Variants in SHISA9 observed in about 807,000 individuals in gnomAD.
The protein encoded by SHISA9 is shisa family member 9.
SHISA9 carries 13 observed loss-of-function variants against 38.0 expected under a neutral mutation model. The ratio of observed to expected loss-of-function variants is 0.34; its 90% CI spans 0.22 to 0.54. SHISA9 has a LOEUF of 0.54. SHISA9 is among the 20% of genes least tolerant of loss of function. SHISA9 has a pLI of 0.91. For synonymous variants in SHISA9, 275 were observed against 242.0 expected, an observed-to-expected ratio of 1.14 and a Z score of -1.27; for missense variants, 538 against 575.8, an observed-to-expected ratio of 0.93 and a Z score of 0.67.
At chr16:13,266,743 G>GA in the SHISA9 span, among the ~76,000 whole-genome samples, 1 of 152,152 alleles carries the variant, frequency 6.6e-6, no homozygotes, top group Non-Finnish European at 1.5e-5. Context: ...GGAACAGAGA[G>GA]AAAAAAGGAC....
chr16:13,089,429 C>T (rs1020443608), intron 2 of SHISA9, among the ~76,000 whole-genome samples: 1 of 152,134 alleles, frequency 6.6e-6, no homozygotes, highest in Non-Finnish European at 1.5e-5. Context: ...TCCATCTGGT[C>T]CTGGACTTTT....
At chr16:13,088,301 G>C (rs2073736052) in intron 2 of SHISA9, among the ~76,000 whole-genome samples, 1 of 152,174 alleles carries the variant, frequency 6.6e-6, no homozygotes, top group Admixed American at 6.5e-5. Flanking sequence ...TCTTGGGAAT[G>C]CAGGCTCTTT....
intron 2 of SHISA9, among the ~76,000 whole-genome samples, chr16:13,013,842 C>T (rs1290432182): frequency 1.3e-5 from 2 of 152,212 alleles, no homozygotes; most frequent in African/African-American, 4.8e-5. Context: ...ATTCTCCTGC[C>T]TCAGCCTCCT....
the SHISA9 span, among the ~76,000 whole-genome samples, chr16:13,560,953 T>A: frequency 6.6e-6 from 1 of 152,098 alleles, no homozygotes; most frequent in Admixed American, 6.5e-5. Context: ...AACCTCCACC[T>A]CCAGGGTTCA....
At chr16:13,078,296 C>A (rs921396584) in intron 2 of SHISA9, among the ~76,000 whole-genome samples, 5 of 152,166 alleles carry the variant, frequency 3.3e-5, no homozygotes, top group African/African-American at 1.2e-4. Flanking sequence ...TACTTTAGAT[C>A]GTCTCTAGGT....
chr16:13,472,236 A>C, the SHISA9 span, among the ~76,000 whole-genome samples: 1 of 152,070 alleles, frequency 6.6e-6, no homozygotes, highest in African/African-American at 2.4e-5. Context: ...TTCCTATCTA[A>C]ACTAGCTCTG....
rs150639526 is a variant in SHISA9, at chr16:13,222,752, C to T, written c.895+9452C>T. On this transcript the variant is annotated intron_variant, in intron 4 of 4. Coordinates refer to ENST00000558583, the MANE Select transcript of SHISA9 (RefSeq NM_001145204.3). Reference sequence around the variant, plus strand: ...TTCTGAGTTTTCGCAAGCCTTGTCTCGTTTACTTCTACACTGCACTCCACA... The same window carrying T: ...TTCTGAGTTTTCGCAAGCCTTGTCTTGTTTACTTCTACACTGCACTCCACA... Among the ~76,000 whole-genome samples, 565 of 151,716 alleles carry T rather than the reference C, an allele frequency of 3.7e-3. 4 individuals are homozygous for T. The highest frequency in any genetic ancestry group is 5.4e-3 in the Non-Finnish European group (365 of 67,946).
chr16:12,932,399 T>C (rs899881578), intron 2 of SHISA9, among the ~76,000 whole-genome samples: 1 of 152,152 alleles, frequency 6.6e-6, no homozygotes, highest in Non-Finnish European at 1.5e-5. Context: ...TGGAGTGCAG[T>C]GGTGCGATCT....
chr16:13,301,617 T>C, the SHISA9 span, among the ~76,000 whole-genome samples: 1 of 152,212 alleles, frequency 6.6e-6, no homozygotes, highest in Non-Finnish European at 1.5e-5. Flanking sequence ...TAGATAATAT[T>C]GCTTGAGAGG....
chr16:13,304,175 T>A, the SHISA9 span, among the ~76,000 whole-genome samples: 1 of 152,206 alleles, frequency 6.6e-6, no homozygotes, highest in Non-Finnish European at 1.5e-5. Context: ...CAATGAACTA[T>A]TCTCCTCTAT....
chr16:13,148,747 T>C (rs2050471474), intron 2 of SHISA9, among the ~76,000 whole-genome samples: 2 of 149,674 alleles, frequency 1.3e-5, no homozygotes, highest in Non-Finnish European at 3.0e-5. Context: ...ATATAGACCA[T>C]ACTTATTTCC....
In SHISA9 at chr16:13,049,063, T is replaced by C. The variant is rs977432799; in HGVS notation, c.691+132248T>C. ...TGCAGAGAAAAGTAACTTAAAAAAATTTGCTTTGTGTTCCAGGTTCAGCAG... is the reference window on the plus strand; with the variant it reads ...TGCAGAGAAAAGTAACTTAAAAAAACTTGCTTTGTGTTCCAGGTTCAGCAG... On this transcript the variant is annotated intron_variant, in intron 2 of 4. Transcript: ENST00000558583. Among the ~76,000 whole-genome samples the C allele has an allele frequency of 5.3e-5, 8 of 152,202 alleles. 1 individual carries two copies. Among genetic ancestry groups the C allele is most frequent in the Admixed American group, 2.0e-4 (3 of 15,262 alleles).
chr16:12,910,945 G>A (rs898045966), intron 1 of SHISA9: 2 of 170,114 alleles, frequency 1.2e-5, no homozygotes, highest in African/African-American at 2.4e-5. Context: ...AGGGCAATCT[G>A]TCTTACTGCC....
the SHISA9 span, among the ~76,000 whole-genome samples, chr16:13,465,319 A>G: frequency 6.6e-6 from 1 of 152,194 alleles, no homozygotes; most frequent in Admixed American, 6.5e-5. Flanking sequence ...AGCACAGAAT[A>G]ATGCTAGAAA....
chr16:13,383,160 A>T, the SHISA9 span, among the ~76,000 whole-genome samples: 2 of 152,224 alleles, frequency 1.3e-5, no homozygotes, highest in African/African-American at 4.8e-5. Context: ...AATTAAAAGT[A>T]GAAAGAAGGT....
chr16:13,559,601 T>C, the SHISA9 span, among the ~76,000 whole-genome samples: 8 of 152,126 alleles, frequency 5.3e-5, no homozygotes, highest in African/African-American at 1.9e-4. Context: ...CAGGCTGGTC[T>C]TAAACTCCTC....
At chr16:13,125,668 G>C (rs1206432341) in intron 2 of SHISA9, among the ~76,000 whole-genome samples, 1 of 152,026 alleles carries the variant, frequency 6.6e-6, no homozygotes, top group Admixed American at 6.5e-5. Context: ...TCATAGAGTT[G>C]GTGTTTCTCA....
the SHISA9 span, among the ~76,000 whole-genome samples, chr16:13,402,019 T>C: frequency 6.6e-6 from 1 of 152,254 alleles, no homozygotes; most frequent in Non-Finnish European, 1.5e-5. Flanking sequence ...CCCATCGGGT[T>C]CCTCCCATGG....
chr16:12,991,383 C>A (rs1403777115), intron 2 of SHISA9, among the ~76,000 whole-genome samples: 3 of 152,046 alleles, frequency 2.0e-5, no homozygotes, highest in Non-Finnish European at 4.4e-5. Flanking sequence ...TATTTTGGAG[C>A]CTTTCCCCTG....
Sources: gnomAD v4.1 joint callset for allele counts (sites outside exome capture counted in the v4.1 genomes callset) on GRCh38, gnomAD v4.1.1 for gene constraint, MANE v1.5 for transcripts, NCBI Gene and HGNC (gene_info 2026-07-23, HGNC 2026-07-21) for gene names.